Variants in IMMP2L observed in about 807,000 individuals in gnomAD.
IMMP2L encodes the protein mitochondrial inner membrane protease subunit 2.
In IMMP2L, 18 loss-of-function variants were observed where a neutral mutation model predicts 19.3. That is an observed-to-expected ratio of 0.93 (90% CI 0.64 to 1.38). The LOEUF is 1.38. Ranked by LOEUF, IMMP2L falls within the 40% of genes most tolerant of loss-of-function variation. The probability of loss-of-function intolerance (pLI) is 0.00; values close to 1 mark genes in which losing one functional copy is unlikely to be tolerated. For missense variants in IMMP2L, 233 were observed against 218.2 expected (o/e 1.07, Z -0.43); for synonymous variants, 76 against 73.0 (o/e 1.04, Z -0.21).
rs192416174 is a variant in IMMP2L, at chr7:111,266,608, T to G, written c.239+220630A>C. On this transcript the variant is annotated intron_variant, in intron 3 of 5. Coordinates refer to ENST00000405709, the MANE Select transcript of IMMP2L (RefSeq NM_032549.4). Reference sequence around the variant, plus strand: ...AGCTCTGGCACTAAGAACATCAGTTTAGGCAAGTTACTTTTCTTCCATAAA... The same window carrying G: ...AGCTCTGGCACTAAGAACATCAGTTGAGGCAAGTTACTTTTCTTCCATAAA... Among the ~76,000 whole-genome samples the G allele has an allele frequency of 2.0e-5, 3 of 151,862 alleles. No homozygotes were observed. In the East Asian group the frequency reaches 5.8e-4, roughly 29 times the overall value.
intron 3 of IMMP2L, among the ~76,000 whole-genome samples, chr7:111,270,991 T>C (rs976544140): frequency 7.2e-5 from 11 of 152,192 alleles, no homozygotes; most frequent in African/African-American, 2.4e-4. Context: ...GGTTTGGCTG[T>C]GTCCCCACCC....
rs574435672 is a variant in IMMP2L, at chr7:111,050,931, G to A, written c.240-87366C>T. Among the ~76,000 whole-genome samples the A allele has an allele frequency of 7.2e-4, 110 of 152,316 alleles. 1 individual carries two copies. The highest frequency in any genetic ancestry group is 1.2e-3 in the Non-Finnish European group (80 of 68,028). ...GAAAACTTCAGTGAAAGCTGAATGA[G>A]CTAATTACAGGAAAAGAAATTAACA... is the stretch of plus-strand genomic sequence containing the variant. On this transcript the variant is annotated intron_variant, in intron 3 of 5. Coordinates refer to ENST00000405709, the MANE Select transcript of IMMP2L (RefSeq NM_032549.4).
At chr7:110,994,772 C>T (rs1408015633) in intron 3 of IMMP2L, among the ~76,000 whole-genome samples, 1 of 152,154 alleles carries the variant, frequency 6.6e-6, no homozygotes, top group Non-Finnish European at 1.5e-5. Flanking sequence ...GAGGCACAAT[C>T]TCTTCAGCAC....
At chr7:110,925,138 G>C (rs1033424429) in intron 4 of IMMP2L, among the ~76,000 whole-genome samples, 2 of 152,086 alleles carry the variant, frequency 1.3e-5, no homozygotes, top group African/African-American at 4.8e-5. Flanking sequence ...AGGAAGATTA[G>C]CTTTTATTTT....
intron 3 of IMMP2L, among the ~76,000 whole-genome samples, chr7:110,980,645 G>T (rs1210655983): frequency 1.3e-5 from 2 of 152,078 alleles, no homozygotes; most frequent in Non-Finnish European, 2.9e-5. Flanking sequence ...TTTATATTTA[G>T]TATACACTGT....
At position 111,123,328 on chromosome 7, in the gene IMMP2L, G is replaced by A. The variant is rs1800880491; in HGVS notation, c.240-159763C>T. ...GATGATCAACAGTAAGTGGTTTGAT[G>A]CTCTTCCAAATCTAGAGATTCTGAT... On this transcript the variant is annotated intron_variant, in intron 3 of 5. Transcript: ENST00000405709. The surrounding 1 kb of genome is among the most constrained non-coding windows in gnomAD (Gnocchi z 6.4). The A allele has an allele frequency of 6.2e-7, 1 of 1,613,740 alleles. No individual in the cohort carries two copies. The highest frequency in any genetic ancestry group is 8.5e-7 in the Non-Finnish European group (1 of 1,179,900).
At chr7:110,765,949 A>C (rs1798629472) in intron 5 of IMMP2L, among the ~76,000 whole-genome samples, 1 of 152,170 alleles carries the variant, frequency 6.6e-6, no homozygotes, top group South Asian at 2.1e-4. Flanking sequence ...CCTATTTTTT[A>C]AAAATATACT....
chr7:111,217,390 A>G (rs1002063126), intron 3 of IMMP2L, among the ~76,000 whole-genome samples: 13 of 152,166 alleles, frequency 8.5e-5, no homozygotes, highest in Non-Finnish European at 1.0e-4. Context: ...TTAAGTGGGT[A>G]CCTGACCCTT....
chr7:110,734,562 G>T (rs1004583016), intron 5 of IMMP2L, among the ~76,000 whole-genome samples: 3 of 152,110 alleles, frequency 2.0e-5, no homozygotes, highest in Non-Finnish European at 4.4e-5. Context: ...TAAAGGTTTG[G>T]AAAATTCTCA....
At chr7:110,916,943 T>C (rs1585255403) in intron 4 of IMMP2L, among the ~76,000 whole-genome samples, 1 of 152,150 alleles carries the variant, frequency 6.6e-6, no homozygotes, top group Non-Finnish European at 1.5e-5. Flanking sequence ...CCCCAAAAGA[T>C]AAATCCACAT....
chr7:111,324,914 T>A (rs960714766), intron 3 of IMMP2L, among the ~76,000 whole-genome samples: 2 of 151,832 alleles, frequency 1.3e-5, no homozygotes, highest in African/African-American at 4.8e-5. Context: ...TTAATTTTTT[T>A]AATCAAATAT....
chr7:111,233,219 A>G lies in IMMP2L; in HGVS notation c.239+254019T>C, dbSNP rs6956164. Among the ~76,000 whole-genome samples the G allele has an allele frequency of 8.7e-3, 1,326 of 152,246 alleles. 23 individuals carry two copies. The highest frequency in any genetic ancestry group is 0.03 in the African/African-American group (1,249 of 41,526). ...AAATGAGTAATCCCTTTACAGCATGATTAATAAATACAATCTCTAAAATAA... is the reference window on the plus strand; with the variant it reads ...AAATGAGTAATCCCTTTACAGCATGGTTAATAAATACAATCTCTAAAATAA... On this transcript the variant is annotated intron_variant, in intron 3 of 5. Transcript: ENST00000405709.
chr7:110,768,335 C>A (rs1798809937), intron 5 of IMMP2L, among the ~76,000 whole-genome samples: 1 of 149,736 alleles, frequency 6.7e-6, no homozygotes, highest in Admixed American at 6.7e-5. Context: ...AGAATGACCA[C>A]AGTAAAGGAT....
intron 4 of IMMP2L, among the ~76,000 whole-genome samples, chr7:110,891,872 T>C (rs1049891306): frequency 6.6e-6 from 1 of 151,966 alleles, no homozygotes; most frequent in African/African-American, 2.4e-5. Context: ...ATGGGAAGCA[T>C]TGTAAGAAAA....
intron 3 of IMMP2L, among the ~76,000 whole-genome samples, chr7:111,050,499 C>T (rs909272333): frequency 2.0e-5 from 3 of 152,174 alleles, no homozygotes; most frequent in East Asian, 1.9e-4. Context: ...TTTCTATTGA[C>T]GCGTTCTTTC....
intron 1 of IMMP2L, among the ~76,000 whole-genome samples, chr7:111,543,388 C>G (rs75603263): frequency 6.6e-6 from 1 of 152,110 alleles, no homozygotes; most frequent in East Asian, 1.9e-4. Context: ...TATAACAAAC[C>G]CCTCCCCTGA....
chr7:111,077,771 T>C (rs1045733310), intron 3 of IMMP2L, among the ~76,000 whole-genome samples: 1 of 152,218 alleles, frequency 6.6e-6, no homozygotes, highest in Admixed American at 6.5e-5. Flanking sequence ...CGCAAGACTA[T>C]AGGAGATCTC....
intron 5 of IMMP2L, among the ~76,000 whole-genome samples, chr7:110,809,744 A>G (rs762871453): frequency 6.6e-6 from 1 of 152,098 alleles, no homozygotes; most frequent in African/African-American, 2.4e-5. Context: ...TAACAGGGCA[A>G]CTATCTGTTT....
intron 3 of IMMP2L, among the ~76,000 whole-genome samples, chr7:111,078,476 C>T (rs577634923): frequency 2.8e-4 from 43 of 152,024 alleles, no homozygotes; most frequent in African/African-American, 9.9e-4. Flanking sequence ...AACAAACGTC[C>T]AATATTTGGA....
Sources: allele counts gnomAD v4.1 joint callset (sites outside exome capture counted in the v4.1 genomes callset), GRCh38; gene constraint gnomAD v4.1.1; non-coding constraint Gnocchi (gnomAD v3.1); transcripts MANE v1.5; gene names NCBI Gene and HGNC (gene_info 2026-07-23, HGNC 2026-07-21).